CACNG2: variants seen among roughly 807,000 people sequenced by gnomAD.
The protein encoded by CACNG2 is calcium voltage-gated channel auxiliary subunit gamma 2, also known as voltage-dependent calcium channel gamma-2 subunit.
In CACNG2, 3 loss-of-function variants were observed where a neutral mutation model predicts 25.9. The observed-to-expected ratio is 0.12, with a 90% CI of 0.05 to 0.30. CACNG2 has a LOEUF of 0.30. Among genes scored for constraint, CACNG2 ranks in the 10% least tolerant of loss-of-function variants. The pLI is 1.00. For synonymous variants in CACNG2, 167 were observed against 173.3 expected, an observed-to-expected ratio of 0.96 and a Z score of 0.29; for missense variants, 341 against 432.5, an observed-to-expected ratio of 0.79 and a Z score of 1.88.
intron 1 of CACNG2, among the ~76,000 whole-genome samples, chr22:36,700,969 A>G (rs1569056788): frequency 6.6e-6 from 1 of 152,078 alleles, no homozygotes; most frequent in African/African-American, 2.4e-5. Context: ...TCTTTCCCAG[A>G]TGTAATCATT....
intron 1 of CACNG2, among the ~76,000 whole-genome samples, chr22:36,592,785 C>T (rs1453888188): frequency 1.3e-5 from 2 of 152,192 alleles, no homozygotes; most frequent in African/African-American, 4.8e-5. Context: ...CATTCCACCT[C>T]GGCGAGTGCA....
At chr22:36,609,289 G>A (rs1935890294) in intron 1 of CACNG2, among the ~76,000 whole-genome samples, 1 of 145,276 alleles carries the variant, frequency 6.9e-6, no homozygotes, top group South Asian at 2.3e-4. Context: ...GAGTGTGATC[G>A]GGCAGGAATC....
chr22:36,594,897 G>A (rs920242859), intron 1 of CACNG2, among the ~76,000 whole-genome samples: 1 of 142,810 alleles, frequency 7.0e-6, no homozygotes, highest in Non-Finnish European at 1.5e-5. Context: ...TGTGTACATG[G>A]GTGTGTGTGT....
At chr22:36,631,737 C>CTT (rs131828) in intron 1 of CACNG2, among the ~76,000 whole-genome samples, 3,579 of 115,338 alleles carry the variant, frequency 0.031, 160 homozygotes, top group African/African-American at 0.09. Flanking sequence ...GTGAGCAACT[C>CTT]TTTTTTTTTT....
chr22:36,564,194 T>G lies in CACNG2; in HGVS notation c.*157A>C. ...TTGTTATGTTTTTTCTCTTTTTTTGTGTGTGTGTGTTTTTTTGTTTTTTGT... is the reference window on the plus strand; with the variant it reads ...TTGTTATGTTTTTTCTCTTTTTTTGGGTGTGTGTGTTTTTTTGTTTTTTGT... On this transcript the variant is annotated 3_prime_UTR_variant, in exon 4 of 4. Coordinates refer to ENST00000300105, the MANE Select transcript of CACNG2 (RefSeq NM_006078.5). The surrounding 1 kb of genome is among the most constrained non-coding windows in gnomAD (Gnocchi z 6.7). 1 of 571,950 alleles carries G rather than the reference T, an allele frequency of 1.7e-6. No individual in the cohort carries two copies. The highest frequency in any genetic ancestry group is 1.9e-5 in the African/African-American group (1 of 52,688). 35.4% of individuals were successfully genotyped at this position (571,950 alleles called of 1,614,324 possible).
chr22:36,623,121 A>G (rs1603501907), intron 1 of CACNG2, among the ~76,000 whole-genome samples: 1 of 148,628 alleles, frequency 6.7e-6, no homozygotes, highest in Middle Eastern at 3.5e-3. Flanking sequence ...CCTAGGTTCA[A>G]GAGATTCTCC....
intron 1 of CACNG2, among the ~76,000 whole-genome samples, chr22:36,666,748 C>T (rs1274065539): frequency 7.1e-6 from 1 of 140,858 alleles, no homozygotes; most frequent in East Asian, 2.0e-4. Context: ...AGTGGAGGCT[C>T]TTCACTGCCT....
At chr22:36,622,291 G>A (rs985870236) in intron 1 of CACNG2, among the ~76,000 whole-genome samples, 11 of 152,194 alleles carry the variant, frequency 7.2e-5, no homozygotes, top group South Asian at 4.1e-4. Context: ...GGAATCTCCC[G>A]CAGGGCTTGT....
At chr22:36,577,199 C>T (rs1433296176) in intron 2 of CACNG2, among the ~76,000 whole-genome samples, 1 of 152,190 alleles carries the variant, frequency 6.6e-6, no homozygotes, top group Non-Finnish European at 1.5e-5. Context: ...GTCTGGTATG[C>T]GAGGAGCACC....
intron 1 of CACNG2, among the ~76,000 whole-genome samples, chr22:36,636,596 G>C (rs926328932): frequency 9.2e-5 from 14 of 152,166 alleles, no homozygotes; most frequent in African/African-American, 2.9e-4. Context: ...ATTTGAATCA[G>C]GACTAGCCAT....
intron 1 of CACNG2, among the ~76,000 whole-genome samples, chr22:36,603,222 A>C (rs963763334): frequency 2.6e-5 from 4 of 152,260 alleles, no homozygotes; most frequent in African/African-American, 7.2e-5. Flanking sequence ...CCCTTAAGCC[A>C]AAGCCTAATC....
intron 1 of CACNG2, among the ~76,000 whole-genome samples, chr22:36,681,258 C>T (rs1373465016): frequency 1.3e-5 from 2 of 152,268 alleles, no homozygotes; most frequent in African/African-American, 4.8e-5. Flanking sequence ...TGATGCAGCA[C>T]CTTAGAATAT....
intron 1 of CACNG2, among the ~76,000 whole-genome samples, chr22:36,663,685 A>G (rs1378133633): frequency 2.6e-5 from 4 of 152,210 alleles, no homozygotes; most frequent in African/African-American, 9.6e-5. Context: ...CAGCGCTCGC[A>G]GAGTCCTCAG....
At chr22:36,696,205 G>C (rs942875030) in intron 1 of CACNG2, among the ~76,000 whole-genome samples, 1 of 152,084 alleles carries the variant, frequency 6.6e-6, no homozygotes, top group African/African-American at 2.4e-5. Flanking sequence ...TAGAGGACTT[G>C]CACCCCCGGC....
At chr22:36,641,046 C>T (rs1271220355) in intron 1 of CACNG2, among the ~76,000 whole-genome samples, 2 of 152,182 alleles carry the variant, frequency 1.3e-5, no homozygotes, top group African/African-American at 2.4e-5. Context: ...TAGCAACATG[C>T]CTTTTGGCTG....
At chr22:36,602,151 C>G (rs923239364) in intron 1 of CACNG2, among the ~76,000 whole-genome samples, 1 of 152,048 alleles carries the variant, frequency 6.6e-6, no homozygotes, top group Non-Finnish European at 1.5e-5. Context: ...GTCCTCTGCT[C>G]ATTTTTAAAT....
At chr22:36,669,579 C>T (rs931446187) in intron 1 of CACNG2, among the ~76,000 whole-genome samples, 10 of 151,744 alleles carry the variant, frequency 6.6e-5, no homozygotes, top group South Asian at 2.1e-4. Context: ...CCAAACCACC[C>T]GCTTGAATGT....
At chr22:36,695,219 A>C (rs1290966057) in intron 1 of CACNG2, among the ~76,000 whole-genome samples, 1 of 151,498 alleles carries the variant, frequency 6.6e-6, no homozygotes, top group Non-Finnish European at 1.5e-5. Context: ...CTGTCTCTTA[A>C]AAAAAGAAAG....
chr22:36,629,921 G>A (rs186603737), intron 1 of CACNG2, among the ~76,000 whole-genome samples: 39 of 152,308 alleles, frequency 2.6e-4, no homozygotes, highest in African/African-American at 7.7e-4. Context: ...AATGTGATGC[G>A]AGGGCATGGG....
Sources: allele counts gnomAD v4.1 joint callset (sites outside exome capture counted in the v4.1 genomes callset), GRCh38; gene constraint gnomAD v4.1.1; non-coding constraint Gnocchi (gnomAD v3.1); transcripts MANE v1.5; gene names NCBI Gene and HGNC (gene_info 2026-07-23, HGNC 2026-07-21).